Variants in EVA1A observed in about 807,000 individuals in gnomAD.
The protein encoded by EVA1A is eva-1 homolog A, regulator of programmed cell death.
A neutral mutation model predicts 9.8 loss-of-function variants in EVA1A; 7 were observed. The ratio of observed to expected loss-of-function variants is 0.71; its 90% CI spans 0.41 to 1.34. EVA1A has a LOEUF of 1.34. EVA1A is among the 40% of genes most tolerant of loss of function. The pLI is 0.01. For synonymous variants in EVA1A, 90 were observed against 85.6 expected (o/e 1.05, Z -0.28); for missense variants, 206 against 205.9 (o/e 1.00, Z 0.00).
chr2:75,533,380 A>C (rs1379505525), intron 1 of EVA1A, among the ~76,000 whole-genome samples: 1 of 152,154 alleles, frequency 6.6e-6, no homozygotes, highest in African/African-American at 2.4e-5. Flanking sequence ...ATACCCAGCA[A>C]AACTGCCCTT....
intron 1 of EVA1A, among the ~76,000 whole-genome samples, chr2:75,550,919 C>T (rs546619732): frequency 4.1e-4 from 63 of 152,076 alleles, no homozygotes; most frequent in Non-Finnish European, 7.2e-4. Flanking sequence ...GTCAGGAGTT[C>T]GAGACCAGCC....
At chr2:75,533,978 AT>A (rs1285503683) in intron 1 of EVA1A, among the ~76,000 whole-genome samples, 3 of 151,474 alleles carry the variant, frequency 2.0e-5, no homozygotes, top group Non-Finnish European at 2.9e-5. Flanking sequence ...CGCCCGGCTA[AT>A]TTTTTTGTAT....
intron 1 of EVA1A, among the ~76,000 whole-genome samples, chr2:75,539,257 T>C (rs1253219039): frequency 1.3e-5 from 2 of 152,168 alleles, no homozygotes; most frequent in African/African-American, 4.8e-5. Context: ...AAGAAAACTA[T>C]GAGAGTTTTC....
intron 1 of EVA1A, among the ~76,000 whole-genome samples, chr2:75,523,376 T>C (rs1417596681): frequency 6.6e-6 from 1 of 152,194 alleles, no homozygotes; most frequent in African/African-American, 2.4e-5. Context: ...CCTTCCACTC[T>C]ACACTGGTGA....
intron 1 of EVA1A, among the ~76,000 whole-genome samples, chr2:75,568,396 A>G (rs537066022): frequency 1.0e-4 from 15 of 150,596 alleles, no homozygotes; most frequent in Non-Finnish European, 1.9e-4. Context: ...AGATAATAAT[A>G]AATAAATAAT....
chr2:75,493,754 A>C, intron 3 of EVA1A, 145 bp from the exon 4 acceptor site: 1 of 689,596 alleles, frequency 1.5e-6, no homozygotes, highest in Middle Eastern at 3.7e-4. Context: ...CATATTTTAT[A>C]ATGTATTCAA....
chr2:75,507,144 T>C (rs898436035), intron 3 of EVA1A, among the ~76,000 whole-genome samples: 2 of 152,224 alleles, frequency 1.3e-5, no homozygotes, highest in African/African-American at 4.8e-5. Context: ...TCTTACCTTA[T>C]GGATAACTGA....
intron 1 of EVA1A, among the ~76,000 whole-genome samples, chr2:75,556,011 T>G (rs1028195758): frequency 6.6e-6 from 1 of 152,230 alleles, no homozygotes; most frequent in Non-Finnish European, 1.5e-5. Context: ...TCTTATTCTA[T>G]TTAACACATT....
chr2:75,536,954 T>G (rs1007818489), intron 1 of EVA1A, among the ~76,000 whole-genome samples: 1 of 152,158 alleles, frequency 6.6e-6, no homozygotes, highest in Non-Finnish European at 1.5e-5. Flanking sequence ...CCCAATTCAT[T>G]TCATGAAGCT....
intron 1 of EVA1A, among the ~76,000 whole-genome samples, chr2:75,548,289 T>C (rs750283768): frequency 6.6e-6 from 1 of 152,328 alleles, no homozygotes; most frequent in East Asian, 1.9e-4. Context: ...CACATCACCA[T>C]GCCTGGCTAA....
At chr2:75,495,530 G>T (rs939223937) in intron 3 of EVA1A, among the ~76,000 whole-genome samples, 1 of 152,132 alleles carries the variant, frequency 6.6e-6, no homozygotes, top group Non-Finnish European at 1.5e-5. Flanking sequence ...CTATTTCTGT[G>T]TGCTACTTAT....
rs74377836 is a variant in EVA1A, at chr2:75,530,156, G to A, written c.-191-7669C>T. Among the ~76,000 whole-genome samples the A allele has an allele frequency of 5.2e-3, 787 of 152,078 alleles. 5 individuals carry two copies. Among genetic ancestry groups the A allele is most frequent in the African/African-American group, 0.018 (733 of 41,474 alleles). On this transcript the variant is annotated intron_variant, in intron 1 of 3. Transcript: ENST00000393913. ...ACAGACTAGAAAATCTAGAGGGGAT[G>A]AATAAATTCCTGGAAATACACAGCC...
At position 75,493,498 on chromosome 2, in the gene EVA1A, C is replaced by G; in HGVS notation, c.197G>C (p.Arg66Pro). The change falls in exon 4 of 4, where the codon CGT becomes CCT. Residue 66 changes from arginine to proline, a missense_variant. Arg to Pro is a moderately radical substitution (Grantham distance 103). Coordinates refer to ENST00000393913, the MANE Select transcript of EVA1A (RefSeq NM_001135032.2). Reference sequence around the variant, plus strand: ...GTCCTGCAGGAACTTCTTCCCGGGACGCCGCCTGCAGTCTGTGTGGCAAGA... The same window carrying G: ...GTCCTGCAGGAACTTCTTCCCGGGAGGCCGCCTGCAGTCTGTGTGGCAAGA... ...RISCHTDCRRRPGKKFLQDRE... is the reference protein window; with the variant it reads ...RISCHTDCRRPPGKKFLQDRE... 6.2e-7 allele frequency: 1 copy of G among 1,614,218 alleles called. No individual in the cohort carries two copies.
At chr2:75,546,949 A>T (rs960661497) in intron 1 of EVA1A, among the ~76,000 whole-genome samples, 7 of 148,934 alleles carry the variant, frequency 4.7e-5, no homozygotes, top group Non-Finnish European at 1.0e-4. Flanking sequence ...ACCAGAAGCC[A>T]TTGGAGAACC....
chr2:75,493,855 T>G (rs1674113001), intron 3 of EVA1A, among the ~76,000 whole-genome samples: 1 of 152,186 alleles, frequency 6.6e-6, no homozygotes, highest in Non-Finnish European at 1.5e-5. Context: ...TATTCCCAAA[T>G]GAAAAGGTAA....
intron 1 of EVA1A, among the ~76,000 whole-genome samples, chr2:75,539,006 G>C (rs903464267): frequency 6.6e-6 from 1 of 152,160 alleles, no homozygotes. Flanking sequence ...TAGCTAAATG[G>C]AATATGGGAG....
intron 3 of EVA1A, among the ~76,000 whole-genome samples, chr2:75,516,911 TG>T (rs933493918): frequency 6.6e-6 from 1 of 152,128 alleles, no homozygotes. Flanking sequence ...ATTCCTCTAA[TG>T]GGTGAGTGCC....
intron 3 of EVA1A, among the ~76,000 whole-genome samples, chr2:75,495,676 C>T (rs2103766894): frequency 6.6e-6 from 1 of 152,254 alleles, no homozygotes; most frequent in Non-Finnish European, 1.5e-5. Flanking sequence ...GTGTACACTG[C>T]TCTGGTGATG....
chr2:75,543,139 A>C (rs1572983931), intron 1 of EVA1A, among the ~76,000 whole-genome samples: 1 of 152,192 alleles, frequency 6.6e-6, no homozygotes. Context: ...GCCACGATAC[A>C]TGCGCTTGAA....
Sources: gnomAD v4.1 joint callset for allele counts (sites outside exome capture counted in the v4.1 genomes callset) on GRCh38, gnomAD v4.1.1 for gene constraint, MANE v1.5 for transcripts, NCBI Gene and HGNC (gene_info 2026-07-23, HGNC 2026-07-21) for gene names.